SMARCA2: variants seen among roughly 807,000 people sequenced by gnomAD.
SMARCA2 encodes the protein SWI/SNF-related matrix-associated actin-dependent regulator of chromatin subfamily A member 2.
SMARCA2 carries 61 observed loss-of-function variants against 199.8 expected under a neutral mutation model. That is an observed-to-expected ratio of 0.31 (90% CI 0.25 to 0.38). SMARCA2 has a LOEUF of 0.38. Among genes scored for constraint, SMARCA2 ranks in the 10% least tolerant of loss-of-function variants. SMARCA2 has a pLI of 1.00. For missense variants in SMARCA2, 1,344 were observed against 2,012.2 expected (o/e 0.67, Z 6.35); for synonymous variants, 935 against 732.0 (o/e 1.28, Z -4.48).
chr9:2,129,917 A>AAT (rs1443620379), intron 27 of SMARCA2, among the ~76,000 whole-genome samples: 5 of 152,148 alleles, frequency 3.3e-5, no homozygotes, highest in African/African-American at 1.2e-4. Context: ...ATAGTGGTGT[A>AAT]ATCTTGGCTC....
chr9:2,111,540 C>G (rs994528389), intron 24 of SMARCA2, among the ~76,000 whole-genome samples: 2 of 150,684 alleles, frequency 1.3e-5, no homozygotes, highest in African/African-American at 4.9e-5. Flanking sequence ...GCAACTCTCA[C>G]GTAGGAGTAT....
rs150427058 is a variant in SMARCA2 at position 2,119,877 on chromosome 9, C to T, written c.3762+342C>T. On this transcript the variant is annotated intron_variant, in intron 26 of 33. Transcript: ENST00000349721. This position sits in a 1 kb window ranked among gnomAD's most constrained non-coding sequence, Gnocchi z 4.6. ...AGCTGCACTCTCTGGACAGGCCTCG[C>T]GGTCTACAGCTTACCATAGACGCCC... Among the ~76,000 whole-genome samples the T allele has an allele frequency of 4.6e-5, 7 of 152,316 alleles. No individual in the cohort carries two copies. Among genetic ancestry groups the T allele is most frequent in the Middle Eastern group, 3.4e-3 (1 of 294 alleles).
At position 2,170,687 on chromosome 9, in the gene SMARCA2, T is replaced by A. The variant is rs1318783948; in HGVS notation, c.4253+215T>A. On this transcript the variant is annotated intron_variant, in intron 29 of 33. Coordinates refer to ENST00000349721, the MANE Select transcript of SMARCA2 (RefSeq NM_003070.5). The surrounding 1 kb of genome is among the most constrained non-coding windows in gnomAD (Gnocchi z 4.7). ...CTGTATTTTAATCTGGCTGTGCCAATTCTATACATGCACTCCTTACAAGGG... is the reference window on the plus strand; with the variant it reads ...CTGTATTTTAATCTGGCTGTGCCAAATCTATACATGCACTCCTTACAAGGG... Among the ~76,000 whole-genome samples the A allele has an allele frequency of 6.6e-6, 1 of 152,188 alleles. No individual in the cohort carries two copies. The highest frequency in any genetic ancestry group is 2.4e-5 in the African/African-American group (1 of 41,452).
At chr9:2,058,530 A>T in intron 8 of SMARCA2, 66 bp downstream of exon 8, 1 of 1,306,890 alleles carries the variant, frequency 7.7e-7, no homozygotes, top group Non-Finnish European at 1.1e-6. Context: ...TGAGACCATT[A>T]AATATGGTGG....
chr9:2,042,981 C>T (rs892336865), intron 4 of SMARCA2: 7 of 151,726 alleles, frequency 4.6e-5, no homozygotes, highest in African/African-American at 9.7e-5. Context: ...ACTTTACTTG[C>T]CAAAAATAAT....
At chr9:2,122,859 T>C (rs749141129) in intron 26 of SMARCA2, among the ~76,000 whole-genome samples, 10 of 152,356 alleles carry the variant, frequency 6.6e-5, no homozygotes, top group South Asian at 6.2e-4. Flanking sequence ...AGTGGCAGTT[T>C]ATTTTTTAAA....
intron 27 of SMARCA2, among the ~76,000 whole-genome samples, chr9:2,129,095 C>A (rs555178184): frequency 6.6e-6 from 1 of 152,172 alleles, no homozygotes; most frequent in Admixed American, 6.5e-5. Flanking sequence ...CCATTAGCAA[C>A]GGATTCGGAT....
chr9:2,107,954 G>A (rs1186579795), intron 23 of SMARCA2, among the ~76,000 whole-genome samples: 1 of 152,108 alleles, frequency 6.6e-6, no homozygotes, highest in Non-Finnish European at 1.5e-5. Flanking sequence ...TAAGGTTTAG[G>A]GATATTTATG....
chr9:2,065,390 G>C (rs1820794254), intron 9 of SMARCA2, among the ~76,000 whole-genome samples: 1 of 152,148 alleles, frequency 6.6e-6, no homozygotes, highest in Non-Finnish European at 1.5e-5. Context: ...CACTAGACCA[G>C]ATATAGTCTT....
At chr9:2,026,499 G>A (rs576957953) in intron 1 of SMARCA2, among the ~76,000 whole-genome samples, 4 of 152,252 alleles carry the variant, frequency 2.6e-5, no homozygotes, top group South Asian at 2.1e-4. Context: ...ATTCCCAGGT[G>A]GAAATGATAA....
chr9:2,157,876 G>T, intron 27 of SMARCA2: 1 of 398,624 alleles, frequency 2.5e-6, no homozygotes, highest in Non-Finnish European at 4.4e-6. Flanking sequence ...CCGTCACGCA[G>T]TAAAGATGTG....
chr9:2,191,513 C>A, intron 33 of SMARCA2, 105 bp downstream of exon 33: 1 of 1,226,018 alleles, frequency 8.2e-7, no homozygotes, highest in Non-Finnish European at 1.2e-6. Flanking sequence ...TTACCCAGGA[C>A]TGGAAATGTC....
intron 18 of SMARCA2, 107 bp from the exon 19 acceptor site, chr9:2,088,393 G>A: frequency 3.8e-6 from 5 of 1,320,558 alleles, no homozygotes; most frequent in Non-Finnish European, 5.0e-6. Flanking sequence ...TTTAATGCAT[G>A]TAAAATGTCA....
chr9:2,097,774 C>T (rs974093087), intron 21 of SMARCA2, among the ~76,000 whole-genome samples: 9 of 152,120 alleles, frequency 5.9e-5, no homozygotes, highest in African/African-American at 2.2e-4. Flanking sequence ...CTGTGAATTA[C>T]CTTGTTATAC....
chr9:2,078,733 A>G (rs1216377225), intron 14 of SMARCA2, among the ~76,000 whole-genome samples: 5 of 152,094 alleles, frequency 3.3e-5, no homozygotes, highest in Non-Finnish European at 7.4e-5. Context: ...TCACAAGGTC[A>G]GGAGATTGAG....
chr9:2,035,105 G>C (rs1334858484), intron 3 of SMARCA2, among the ~76,000 whole-genome samples: 1 of 151,706 alleles, frequency 6.6e-6, no homozygotes, highest in Non-Finnish European at 1.5e-5. Context: ...GCAGTGGCAT[G>C]ATCTCAGCTC....
intron 29 of SMARCA2, 105 bp from the exon 30 acceptor site, chr9:2,181,466 C>T (rs973954303): frequency 3.8e-5 from 26 of 679,848 alleles, no homozygotes; most frequent in Non-Finnish European, 5.6e-5. Context: ...TATCTATATG[C>T]GTGGAATATA....
Position 2,182,206 on chromosome 9 carries a change from T to A in SMARCA2, c.4425T>A (p.Cys1475Ter). 1.2e-6 allele frequency: 2 copies of A among 1,613,656 alleles called. No individual in the cohort carries two copies. Among genetic ancestry groups the A allele is most frequent in the Non-Finnish European group, 1.7e-6 (2 of 1,179,546 alleles). Residue 1475 changes from cysteine to a stop codon, truncating the protein, a stop_gained, in exon 31 of 34, where the codon TGT becomes TGA. Coordinates refer to ENST00000349721, the MANE Select transcript of SMARCA2 (RefSeq NM_003070.5). LOFTEE classifies it high-confidence loss of function. ...GDLEKDVMLLCHNAQTFNLEG... is the reference protein window; with the variant it reads ...GDLEKDVMLL ...TGGAGAAGGATGTCATGCTTCTCTG[T>A]CACAACGCTCAGACGTTCAACCTGG...
chr9:2,028,472 C>T (rs907714220), intron 1 of SMARCA2, among the ~76,000 whole-genome samples: 6 of 152,172 alleles, frequency 3.9e-5, no homozygotes, highest in Admixed American at 1.3e-4. Context: ...ATGATTGGGA[C>T]TTCTCTTTCA....
Sources: allele counts gnomAD v4.1 joint callset (sites outside exome capture counted in the v4.1 genomes callset), GRCh38; gene constraint gnomAD v4.1.1; non-coding constraint Gnocchi (gnomAD v3.1); transcripts MANE v1.5; gene names NCBI Gene and HGNC (gene_info 2026-07-23, HGNC 2026-07-21).